The following SNRPN variants were observed in gnomAD, a reference collection of about 807,000 sequenced individuals.
The protein encoded by SNRPN is small nuclear ribonucleoprotein polypeptide N.
Under a neutral mutation model 25.2 loss-of-function variants are expected in SNRPN, and 7 were observed. The observed-to-expected ratio is 0.28, with a 90% CI of 0.16 to 0.52. The LOEUF (loss-of-function observed/expected upper bound fraction) is 0.52, where lower values mean the gene tolerates loss of function less well. SNRPN is among the 20% of genes least tolerant of loss of function. SNRPN has a pLI of 0.96. For synonymous variants in SNRPN, 124 were observed against 110.6 expected, an observed-to-expected ratio of 1.12 and a Z score of -0.76; for missense variants, 196 against 322.5, an observed-to-expected ratio of 0.61 and a Z score of 3.00.
At position 24,977,810 on chromosome 15, in the gene SNRPN, A is replaced by C; in HGVS notation, c.453A>C (p.Ala151=). ...CTCCACAGGGAAGAGGCACTGTAGC[A>C]GCTGCTGCTGTTGCTGCGACTGCCA... is the stretch of plus-strand genomic sequence containing the variant. The part of the protein sequence containing the change: ...VMTPQGRGTV[A]AAAVAATASI... Residue 151 remains alanine, a synonymous_variant, in exon 8 of 10, where the codon GCA becomes GCC. Transcript: ENST00000390687. 2 of 1,613,398 alleles carry C rather than the reference A, an allele frequency of 1.2e-6. No individual in the cohort carries two copies. Among genetic ancestry groups the C allele is most frequent in the East Asian group, 4.5e-5 (2 of 44,844 alleles).
At position 24,842,726 on chromosome 15, in the gene SNRPN, C is replaced by T. The variant is rs139947154; in HGVS notation, c.-579+12821C>T. Among the ~76,000 whole-genome samples, 89 of 152,318 alleles carry T rather than the reference C, an allele frequency of 5.8e-4. No individual in the cohort carries two copies. In the East Asian group the frequency reaches 0.016, roughly 28 times the overall value. On this transcript the variant is annotated intron_variant, in intron 2 of 12. Coordinates refer to the SNRPN transcript ENST00000400100. The stretch of plus-strand genomic sequence containing the variant: ...GCCAGGGTTGTTCCAGACAGTCCCT[C>T]CCTAGCTCAGAATATTGCATTCCAG...
At chr15:24,905,756 T>C (rs2058759278) in intron 2 of SNRPN, among the ~76,000 whole-genome samples, 1 of 152,168 alleles carries the variant, frequency 6.6e-6, no homozygotes, top group South Asian at 2.1e-4. Context: ...AGTCCAGAGA[T>C]CAGCCAGTCA....
intron 2 of SNRPN, among the ~76,000 whole-genome samples, chr15:24,836,337 C>A (rs566856881): frequency 6.5e-4 from 99 of 152,060 alleles, no homozygotes; most frequent in Admixed American, 1.4e-3. Context: ...AAAAATAATA[C>A]CTTTCCTTCA....
intron 1 of SNRPN, among the ~76,000 whole-genome samples, chr15:24,867,200 T>G (rs2148392807): frequency 6.6e-6 from 1 of 152,252 alleles, no homozygotes; most frequent in East Asian, 1.9e-4. Context: ...TTGAGGGGCC[T>G]CTATACTTTT....
intron 2 of SNRPN, chr15:24,967,342 A>G (rs183273992): frequency 2.4e-4 from 38 of 155,114 alleles, no homozygotes; most frequent in Non-Finnish European, 4.6e-4. Context: ...CTCTGACCCT[A>G]AAGAAAGATC....
intron 3 of SNRPN, among the ~76,000 whole-genome samples, chr15:24,923,275 C>A (rs139919843): frequency 1.3e-5 from 2 of 152,124 alleles, no homozygotes; most frequent in African/African-American, 2.4e-5. Flanking sequence ...ACACTGCAAT[C>A]GTAATCACTG....
chr15:24,835,301 A>T (rs976533880), intron 2 of SNRPN, among the ~76,000 whole-genome samples: 1 of 151,550 alleles, frequency 6.6e-6, no homozygotes, highest in Non-Finnish European at 1.5e-5. Context: ...TATGTAGCAA[A>T]TATCATTTGC....
At position 24,844,483 on chromosome 15, in the gene SNRPN, GAGC is replaced by G. The variant is rs2052013613; in HGVS notation, c.-579+14583_-579+14585del. ...CTTTCTCTTAACAGTGTCTGTCAAA[GAGC>G]AGCATTTATTTTAATTTTGACTAAG... On this transcript the variant is annotated intron_variant, in intron 2 of 12. Transcript: ENST00000400100. Among the ~76,000 whole-genome samples the G allele has an allele frequency of 3.9e-5, 6 of 152,186 alleles. 2 individuals are homozygous for G. The South Asian group carries it at 1.2e-3, about 32-fold the overall frequency.
In SNRPN at chr15:24,976,964, C is replaced by T; in HGVS notation, c.355C>T (p.Pro119Ser). Residue 119 changes from proline (P) to serine (S), a missense_variant, in exon 7 of 10, where the codon CCA becomes TCA. Coordinates refer to ENST00000390687, the MANE Select transcript of SNRPN (RefSeq NM_003097.6). The part of the protein sequence containing the change: ...AAGRGVPAGV[P>S]IPQAPAGLAG... ...TGGTAGAGGAGTACCAGCTGGTGTGCCAATTCCCCAGGCCCCTGCTGGATT... is the reference window on the plus strand; with the variant it reads ...TGGTAGAGGAGTACCAGCTGGTGTGTCAATTCCCCAGGCCCCTGCTGGATT... The T allele has an allele frequency of 6.2e-7, 1 of 1,604,870 alleles. No individual in the cohort carries two copies. Among genetic ancestry groups the T allele is most frequent in the African/African-American group, 1.3e-5 (1 of 74,550 alleles).
chr15:24,965,044 T>C (rs1481114390), intron 2 of SNRPN, among the ~76,000 whole-genome samples: 3 of 152,176 alleles, frequency 2.0e-5, no homozygotes, highest in African/African-American at 7.2e-5. Context: ...TTGAGAGTAA[T>C]TGGATTATGG....
chr15:24,833,104 C>CAAAAA (rs10696281), intron 2 of SNRPN, among the ~76,000 whole-genome samples: 22 of 61,774 alleles, frequency 3.6e-4, no homozygotes, highest in South Asian at 1.1e-3. Flanking sequence ...GACTCTGTCT[C>CAAAAA]AAAAAAAAAA....
At position 24,826,508 on chromosome 15, in the gene SNRPN, G is replaced by A. The variant is rs2050090918; in HGVS notation, c.-687+2658G>A. 2.0e-5 allele frequency among the ~76,000 whole-genome samples: 3 copies of A among 152,116 alleles called. No homozygotes were observed. The South Asian group carries it at 6.2e-4, about 31-fold the overall frequency. ...TTGGTTTTTACATTGGTTAAGGCAT[G>A]TACAAACCCTGTTAGTTTTTCTGCA... is the stretch of plus-strand genomic sequence containing the variant. On this transcript the variant is annotated intron_variant, in intron 1 of 12. Transcript: ENST00000400100.
Position 24,962,218 on chromosome 15 carries a change from A to G in SNRPN, c.-295+9A>G. The G allele has an allele frequency of 6.2e-7, 1 of 1,610,512 alleles. No individual in the cohort carries two copies. The highest frequency in any genetic ancestry group is 1.1e-5 in the South Asian group (1 of 91,014). ...TCACTGAGCAACCAAGAGTGAGTAC[A>G]GACTGTGTTGGGAACAAATGCAAGT... On this transcript the variant is annotated intron_variant, in intron 2 of 9. Coordinates refer to ENST00000390687, the MANE Select transcript of SNRPN (RefSeq NM_003097.6).
upstream of SNRPN, among the ~76,000 whole-genome samples, chr15:24,951,119 C>T (rs1398254497): frequency 6.6e-6 from 1 of 152,100 alleles, no homozygotes; most frequent in Non-Finnish European, 1.5e-5. Context: ...TCTCGGCCTC[C>T]CAAAGTGCTG....
At chr15:24,840,764 G>T (rs139349215) in intron 2 of SNRPN, among the ~76,000 whole-genome samples, 4 of 152,286 alleles carry the variant, frequency 2.6e-5, no homozygotes, top group African/African-American at 9.6e-5. Flanking sequence ...TTGGCTTCTT[G>T]CTCAGGTAGC....
intron 2 of SNRPN, among the ~76,000 whole-genome samples, chr15:24,889,518 G>A (rs1374966311): frequency 2.0e-5 from 3 of 150,710 alleles, no homozygotes; most frequent in Non-Finnish European, 3.0e-5. Context: ...TGTTAGCCAG[G>A]ATGGTCTTGA....
intron 2 of SNRPN, chr15:24,910,807 T>C (rs1471521138): frequency 4.2e-6 from 2 of 471,054 alleles, no homozygotes; most frequent in African/African-American, 2.0e-5. Flanking sequence ...ACTATTATTA[T>C]CATTATTTTA....
intron 2 of SNRPN, among the ~76,000 whole-genome samples, chr15:24,841,607 C>T (rs1449474797): frequency 1.3e-5 from 2 of 152,176 alleles, no homozygotes; most frequent in East Asian, 3.8e-4. Context: ...CAGAGGGCTT[C>T]AGTAGGGACC....
rs1399328700 is a variant in SNRPN at position 24,946,454 on chromosome 15, G to GT, written c.-390-15653dup. 9.9e-5 allele frequency among the ~76,000 whole-genome samples: 15 copies of GT among 151,530 alleles called. No homozygotes were observed. The East Asian group carries it at 1.7e-3, about 18-fold the overall frequency. ...TGGAAATGAAATAGTAACTCACACG[G>GT]TTTTTTTGTTTTGTTTTGTTTTTTT... On this transcript the variant is annotated intron_variant, in intron 3 of 11. Coordinates refer to the SNRPN transcript ENST00000400097.
Sources: allele counts gnomAD v4.1 joint callset (sites outside exome capture counted in the v4.1 genomes callset), GRCh38; gene constraint gnomAD v4.1.1; transcripts MANE v1.5; gene names NCBI Gene and HGNC (gene_info 2026-07-23, HGNC 2026-07-21).